Variants in FRMPD3 observed in about 807,000 individuals in gnomAD.
The protein encoded by FRMPD3 is FERM and PDZ domain containing 3, also known as FERM and PDZ domain-containing protein 3.
Under a neutral mutation model 97.9 loss-of-function variants are expected in FRMPD3, and 42 were observed. The ratio of observed to expected loss-of-function variants is 0.43; its 90% CI spans 0.34 to 0.55. The LOEUF (loss-of-function observed/expected upper bound fraction) is 0.55, where lower values mean the gene tolerates loss of function less well. Ranked by LOEUF, FRMPD3 falls within the 20% of genes least tolerant of loss-of-function variation. The pLI, the probability that FRMPD3 is intolerant of heterozygous loss-of-function variation, is 0.03. For missense variants in FRMPD3, 1,303 were observed against 1,457.7 expected (o/e 0.89, Z 1.73); for synonymous variants, 577 against 581.1 (o/e 0.99, Z 0.10).
chrX:107,543,455 A>C (rs1371344665), intron 4 of FRMPD3, among the ~76,000 whole-genome samples: 1 of 110,141 alleles, frequency 9.1e-6, no homozygotes, highest in Non-Finnish European at 1.9e-5. Context: ...TCTCTCCCTC[A>C]CTTCCTTAAG....
In FRMPD3 at chrX:107,602,045, G is replaced by A; in HGVS notation, c.4006G>A (p.Glu1336Lys). The A allele has an allele frequency of 8.4e-7, 1 of 1,187,287 alleles. No homozygotes were observed. The highest frequency in any genetic ancestry group is 1.1e-6 in the Non-Finnish European group (1 of 883,543). Residue 1336 changes from glutamate to lysine, a missense_variant, in exon 15 of 15, where the codon GAG becomes AAG. Coordinates refer to ENST00000683843, the MANE Select transcript of FRMPD3 (RefSeq NM_001388459.1). ...AGTCCTCCCTAGCCAGAGGCAGCCAGAGGCTGGCCCAGGCGTGAGCCTCAG... is the reference window on the plus strand; with the variant it reads ...AGTCCTCCCTAGCCAGAGGCAGCCAAAGGCTGGCCCAGGCGTGAGCCTCAG... ...DRVLPSQRQPEAGPGVSLSSP... is the reference protein window; with the variant it reads ...DRVLPSQRQPKAGPGVSLSSP...
At chrX:107,574,164 C>T (rs1280045158) in intron 12 of FRMPD3, among the ~76,000 whole-genome samples, 2 of 111,679 alleles carry the variant, frequency 1.8e-5, no homozygotes, top group Non-Finnish European at 3.8e-5. Context: ...TTCACTTCAG[C>T]GAGCGCTGTG....
intron 13 of FRMPD3, among the ~76,000 whole-genome samples, chrX:107,585,274 A>T (rs1380778416): frequency 9.0e-6 from 1 of 110,789 alleles, no homozygotes; most frequent in Non-Finnish European, 1.9e-5. Context: ...AATGCTTGTG[A>T]TTTTTGCACA....
intron 1 of FRMPD3, among the ~76,000 whole-genome samples, chrX:107,458,189 G>C (rs16985188): frequency 0.087 from 9,701 of 111,750 alleles, 1,061 homozygotes; most frequent in African/African-American, 0.3. Flanking sequence ...GGCATGGGAA[G>C]AGAAGTCTAT....
rs1468327849 is a variant in FRMPD3, at chrX:107,565,035, C to T, written c.1265C>T (p.Ala422Val). 8.4e-7 allele frequency: 1 copy of T among 1,196,102 alleles called. No homozygotes were observed. Among genetic ancestry groups the T allele is most frequent in the Non-Finnish European group, 1.1e-6 (1 of 887,812 alleles). Residue 422 changes from alanine (A) to valine (V), a missense_variant, in exon 12 of 15, where the codon GCC (alanine) becomes GTC (valine). Ala to Val is a moderately conservative substitution (Grantham distance 64, BLOSUM62 0). This residue lies in a region of FRMPD3 where 535 missense variants were observed against 618.6 expected (regional missense o/e 0.86). Coordinates refer to ENST00000683843, the MANE Select transcript of FRMPD3 (RefSeq NM_001388459.1). ...CTGTTCCGGGAGAACCAGGGCGTGGCCCGGGTGGAGACCAGCATCATGGAT... is the reference window on the plus strand; with the variant it reads ...CTGTTCCGGGAGAACCAGGGCGTGGTCCGGGTGGAGACCAGCATCATGGAT... ...IQLFRENQGVARVETSIMDAK... is the reference protein window; with the variant it reads ...IQLFRENQGVVRVETSIMDAK...
At chrX:107,589,785 T>C (rs1039103902) in intron 13 of FRMPD3, among the ~76,000 whole-genome samples, 6 of 112,902 alleles carry the variant, frequency 5.3e-5, no homozygotes, top group African/African-American at 1.6e-4. Context: ...TAACTATTTG[T>C]TCTTTTTTAT....
intron 8 of FRMPD3, among the ~76,000 whole-genome samples, chrX:107,555,810 C>A (rs1922054555): frequency 9.0e-6 from 1 of 111,659 alleles, no homozygotes; most frequent in South Asian, 3.7e-4. Flanking sequence ...GTCAGATGAG[C>A]AAATTCAAAA....
At chrX:107,458,686 A>G (rs1473664520) in intron 1 of FRMPD3, among the ~76,000 whole-genome samples, 1 of 111,849 alleles carries the variant, frequency 8.9e-6, no homozygotes, top group Admixed American at 9.5e-5. Context: ...AGAGTCTCTG[A>G]TGTCAGAAGA....
intron 12 of FRMPD3, among the ~76,000 whole-genome samples, chrX:107,565,352 A>G (rs967591988): frequency 9.0e-6 from 1 of 111,357 alleles, no homozygotes; most frequent in African/African-American, 3.3e-5. Flanking sequence ...ACTTGGAGCT[A>G]CCCCCAGACC....
intron 12 of FRMPD3, among the ~76,000 whole-genome samples, chrX:107,570,442 A>C (rs1262074704): frequency 9.1e-6 from 1 of 110,255 alleles, no homozygotes; most frequent in Admixed American, 9.6e-5. Context: ...CTGACTGCAC[A>C]TTAGAATCAT....
rs1431797160 is a variant in FRMPD3, at chrX:107,560,857, T to A, written c.1026+4T>A. On this transcript the variant is annotated splice_donor_region_variant and intron_variant, in intron 10 of 14. Coordinates refer to ENST00000683843, the MANE Select transcript of FRMPD3 (RefSeq NM_001388459.1). Reference sequence around the variant, plus strand: ...ACATCCTTCCTGCGGCACCAAGGTATCCAGAGTAGACCACTGGGCATGGTG... The same window carrying A: ...ACATCCTTCCTGCGGCACCAAGGTAACCAGAGTAGACCACTGGGCATGGTG... 16 of 1,189,862 alleles carry A rather than the reference T, an allele frequency of 1.3e-5. No individual in the cohort carries two copies. Among genetic ancestry groups the A allele is most frequent in the Non-Finnish European group, 1.8e-5 (16 of 885,401 alleles).
chrX:107,452,062 A>G (rs1660196922), intron 1 of FRMPD3, among the ~76,000 whole-genome samples: 1 of 112,065 alleles, frequency 8.9e-6, no homozygotes, highest in South Asian at 3.7e-4. Flanking sequence ...TAGCTGATAG[A>G]GGTTTACTGC....
At chrX:107,566,963 T>G (rs1922629362) in intron 12 of FRMPD3, among the ~76,000 whole-genome samples, 1 of 111,368 alleles carries the variant, frequency 9.0e-6, no homozygotes, top group Non-Finnish European at 1.9e-5. Flanking sequence ...GGAGACTAGA[T>G]TCACAAAGAC....
At position 107,600,478 on chromosome X, in the gene FRMPD3, C is replaced by T. The variant is rs766563534; in HGVS notation, c.2439C>T (p.Asp813=). The T allele has an allele frequency of 6.6e-6, 8 of 1,208,825 alleles. No individual in the cohort carries two copies. Among genetic ancestry groups the T allele is most frequent in the South Asian group, 5.3e-5 (3 of 56,739 alleles). The change falls in exon 15 of 15, where the codon GAC becomes GAT. Residue 813 remains aspartate (D), a synonymous_variant. Transcript: ENST00000683843. ...LNKDSLLARK[D]LPFRIQSCAA... is the part of the protein sequence containing the mutation. ...AGGACAGCCTCCTTGCCCGCAAGGA[C>T]CTGCCCTTCCGGATCCAGAGCTGTG...
At chrX:107,461,909 C>T (rs1231025336) in intron 1 of FRMPD3, among the ~76,000 whole-genome samples, 2 of 108,606 alleles carry the variant, frequency 1.8e-5, no homozygotes, top group East Asian at 5.7e-4. Context: ...TCCCTGTCCA[C>T]TGTACCCCAC....
intron 4 of FRMPD3, among the ~76,000 whole-genome samples, chrX:107,537,800 A>G (rs1921066632): frequency 9.0e-6 from 1 of 111,505 alleles, no homozygotes. Context: ...CAGATTCCCT[A>G]TTTGCAAATT....
At chrX:107,525,072 T>A (rs1057492472) in intron 1 of FRMPD3, among the ~76,000 whole-genome samples, 6 of 110,046 alleles carry the variant, frequency 5.5e-5, no homozygotes, top group Non-Finnish European at 1.1e-4. Context: ...TTTACAAACC[T>A]TATACTAGTT....
intron 13 of FRMPD3, among the ~76,000 whole-genome samples, chrX:107,590,827 T>C (rs1406448679): frequency 1.8e-5 from 2 of 112,965 alleles, no homozygotes; most frequent in Non-Finnish European, 3.7e-5. Context: ...TTTGTGTCTG[T>C]ATTCATGAAA....
intron 1 of FRMPD3, among the ~76,000 whole-genome samples, chrX:107,486,062 G>A (rs1020159526): frequency 1.8e-5 from 2 of 112,182 alleles, no homozygotes; most frequent in African/African-American, 3.2e-5. Flanking sequence ...TGGTAGCTTG[G>A]CCTATCAAGC....
Sources: gnomAD v4.1 joint callset for allele counts (sites outside exome capture counted in the v4.1 genomes callset) on GRCh38, gnomAD v4.1.1 for gene constraint, gnomAD v4.1.1 regional missense constraint, MANE v1.5 for transcripts, NCBI Gene and HGNC (gene_info 2026-07-23, HGNC 2026-07-21) for gene names.